NRXN1: variants seen among roughly 807,000 people sequenced by gnomAD.
NRXN1 encodes the protein neurexin-1.
Under a neutral mutation model 150.9 loss-of-function variants are expected in NRXN1, and 39 were observed. The observed-to-expected ratio is 0.26, with a 90% CI of 0.20 to 0.34. NRXN1 has a LOEUF of 0.34. Ranked by LOEUF, NRXN1 falls within the 10% of genes least tolerant of loss-of-function variation. The pLI, the probability that NRXN1 is intolerant of heterozygous loss-of-function variation, is 1.00. For missense variants in NRXN1, 1,815 were observed against 1,949.9 expected, an observed-to-expected ratio of 0.93 and a Z score of 1.30; for synonymous variants, 924 against 757.0, an observed-to-expected ratio of 1.22 and a Z score of -3.62.
chr2:50,659,763 A>T (rs1266292605), intron 5 of NRXN1, among the ~76,000 whole-genome samples: 1 of 151,648 alleles, frequency 6.6e-6, no homozygotes, highest in Non-Finnish European at 1.5e-5. Flanking sequence ...ACAACTTTTA[A>T]AAATTTTCAA....
chr2:50,383,183 T>C (rs1035424200), intron 17 of NRXN1, among the ~76,000 whole-genome samples: 2 of 152,160 alleles, frequency 1.3e-5, no homozygotes, highest in African/African-American at 4.8e-5. Context: ...TGGTATACTA[T>C]TGTGAGGATT....
intron 5 of NRXN1, among the ~76,000 whole-genome samples, chr2:50,808,509 G>A (rs147894031): frequency 8.2e-4 from 125 of 152,074 alleles, no homozygotes; most frequent in Non-Finnish European, 1.5e-3. Flanking sequence ...AGTTAAAATT[G>A]ATTGTACATA....
intron 5 of NRXN1, among the ~76,000 whole-genome samples, chr2:50,911,168 G>T (rs1399086828): frequency 6.6e-6 from 1 of 151,938 alleles, no homozygotes; most frequent in African/African-American, 2.4e-5. Flanking sequence ...TCTATGAATA[G>T]AGCTTCCCTA....
At chr2:50,003,476 A>T (rs1172735705) in intron 21 of NRXN1, among the ~76,000 whole-genome samples, 1 of 152,102 alleles carries the variant, frequency 6.6e-6, no homozygotes, top group African/African-American at 2.4e-5. Flanking sequence ...TCAATGTAAT[A>T]TTTATTCTCA....
intron 5 of NRXN1, chr2:50,918,425 G>T (rs1160442744): frequency 3.1e-6 from 1 of 321,124 alleles, no homozygotes; most frequent in Non-Finnish European, 5.7e-6. Context: ...GGAAAAGTTA[G>T]CATTAAGTAT....
At chr2:50,639,045 T>C (rs972179668) in intron 5 of NRXN1, among the ~76,000 whole-genome samples, 22 of 152,188 alleles carry the variant, frequency 1.4e-4, no homozygotes, top group African/African-American at 5.3e-4. Flanking sequence ...CAAACGTTAT[T>C]CAACCTTTCC....
intron 15 of NRXN1, among the ~76,000 whole-genome samples, chr2:50,485,758 G>A (rs578095747): frequency 0.02 from 3,005 of 152,334 alleles, 105 homozygotes; most frequent in African/African-American, 0.069. Flanking sequence ...AAGGTTGGAA[G>A]TTCTAGCAGA....
chr2:51,001,233 TTG>T (rs1491527485), intron 2 of NRXN1, among the ~76,000 whole-genome samples: 11 of 21,366 alleles, frequency 5.1e-4, no homozygotes, highest in African/African-American at 3.4e-3. Context: ...ATTCATGGGG[TTG>T]GGGGGGGGGG....
intron 17 of NRXN1, among the ~76,000 whole-genome samples, chr2:50,343,811 T>C (rs1267593419): frequency 6.6e-6 from 1 of 152,200 alleles, no homozygotes; most frequent in Admixed American, 6.5e-5. Context: ...TAAATGAATT[T>C]TTATTTTACA....
intron 2 of NRXN1, among the ~76,000 whole-genome samples, chr2:50,991,741 G>A (rs773705418): frequency 5.3e-5 from 8 of 151,896 alleles, no homozygotes; most frequent in Non-Finnish European, 7.4e-5. Context: ...TCTTGGGAAC[G>A]CGATTCAAGG....
chr2:50,004,375 T>C (rs1684424026), intron 21 of NRXN1, among the ~76,000 whole-genome samples: 2 of 152,084 alleles, frequency 1.3e-5, no homozygotes, highest in Non-Finnish European at 2.9e-5. Flanking sequence ...AAGGTATATA[T>C]AGAGAGAGTG....
rs898437749 is a variant in NRXN1, at chr2:50,497,546, T to A, written c.2666A>T (p.Asp889Val). The A allele has an allele frequency of 6.2e-7, 1 of 1,613,934 alleles. No individual in the cohort carries two copies. The highest frequency in any genetic ancestry group is 8.5e-7 in the Non-Finnish European group (1 of 1,179,872). Residue 889 changes from aspartate to valine, a missense_variant, in exon 14 of 23, where the codon GAT becomes GTT. By Grantham distance (152) the Asp-to-Val change is radical. Transcript: ENST00000401669. ...YIDLCKNGDI[D>V]YCELNARFGF... ...AAATCTGGCATTAAGCTCACAGTAA[T>A]CTATGTCGCCATTTTTACACAGGTC...
intron 2 of NRXN1, among the ~76,000 whole-genome samples, chr2:50,943,133 C>T (rs1449586739): frequency 1.3e-5 from 2 of 152,024 alleles, no homozygotes; most frequent in East Asian, 1.9e-4. Flanking sequence ...GTAAGGCATG[C>T]CCTACTTCCC....
At chr2:50,912,098 A>G (rs1287870236) in intron 5 of NRXN1, 2 of 151,868 alleles carry the variant, frequency 1.3e-5, no homozygotes, top group Non-Finnish European at 2.9e-5. Context: ...CAAGGAAAAA[A>G]CAAAAATCCT....
chr2:50,561,651 T>G (rs1168810783), intron 8 of NRXN1, among the ~76,000 whole-genome samples: 1 of 152,174 alleles, frequency 6.6e-6, no homozygotes. Context: ...GCAGCCCACT[T>G]TTTAGCAACG....
At chr2:50,741,459 T>C (rs942354028) in intron 5 of NRXN1, among the ~76,000 whole-genome samples, 11 of 152,198 alleles carry the variant, frequency 7.2e-5, no homozygotes, top group Admixed American at 6.5e-5. Flanking sequence ...ATCATTTATA[T>C]CAGAAGTTGA....
chr2:50,362,073 T>A (rs1406045324), intron 17 of NRXN1, among the ~76,000 whole-genome samples: 1 of 152,120 alleles, frequency 6.6e-6, no homozygotes, highest in African/African-American at 2.4e-5. Flanking sequence ...AAGCAATCAA[T>A]AAACTAGGTA....
chr2:50,002,151 T>C (rs1684054705), intron 21 of NRXN1, among the ~76,000 whole-genome samples: 1 of 152,012 alleles, frequency 6.6e-6, no homozygotes, highest in Admixed American at 6.6e-5. Context: ...AGGACTTAGT[T>C]AACCTGTGCC....
chr2:50,800,751 T>C lies in NRXN1; in HGVS notation c.832+121118A>G, dbSNP rs1180743671. The stretch of plus-strand genomic sequence containing the variant: ...TTTTAGTAGAGACGGGGTTTCACCA[T>C]GTTGGTCAGCCTGTTCTCGAACTCC... On this transcript the variant is annotated intron_variant, in intron 5 of 22. Coordinates refer to ENST00000401669, the MANE Select transcript of NRXN1 (RefSeq NM_001330078.2). Among the ~76,000 whole-genome samples the C allele has an allele frequency of 5.3e-5, 8 of 152,272 alleles. No individual in the cohort carries two copies. In the South Asian group the frequency reaches 1.4e-3, roughly 28 times the overall value.
Sources: allele counts gnomAD v4.1 joint callset (sites outside exome capture counted in the v4.1 genomes callset), GRCh38; gene constraint gnomAD v4.1.1; transcripts MANE v1.5; gene names NCBI Gene and HGNC (gene_info 2026-07-23, HGNC 2026-07-21).